The following KLHL1 variants were observed in gnomAD, a reference collection of about 807,000 sequenced individuals.
KLHL1 encodes the protein kelch like family member 1.
KLHL1 carries 47 observed loss-of-function variants against 77.7 expected under a neutral mutation model. The ratio of observed to expected loss-of-function variants is 0.60; its 90% confidence interval spans 0.48 to 0.77. The LOEUF (loss-of-function observed/expected upper bound fraction) is 0.77. Ranked by LOEUF, KLHL1 falls within the 30% of genes least tolerant of loss-of-function variation. KLHL1 has a pLI of 0.00. For missense variants in KLHL1, 925 were observed against 910.8 expected (o/e 1.02, Z -0.20); for synonymous variants, 360 against 325.2 (o/e 1.11, Z -1.15).
chr13:69,975,336 C>T (rs1884512582), intron 2 of KLHL1, among the ~76,000 whole-genome samples: 1 of 151,906 alleles, frequency 6.6e-6, no homozygotes, highest in Admixed American at 6.6e-5. Context: ...GGAATTTTTC[C>T]TCCATAGTTA....
chr13:69,804,013 G>A (rs1394023684), intron 6 of KLHL1, among the ~76,000 whole-genome samples: 1 of 152,130 alleles, frequency 6.6e-6, no homozygotes, highest in Non-Finnish European at 1.5e-5. Context: ...GTAATAGATG[G>A]CAGTTGTTTT....
intron 7 of KLHL1, among the ~76,000 whole-genome samples, chr13:69,746,187 A>C (rs1286794525): frequency 1.3e-5 from 2 of 151,692 alleles, no homozygotes; most frequent in East Asian, 3.9e-4. Flanking sequence ...ATTTATAAAT[A>C]ATTGTCATAA....
At chr13:69,791,497 C>T (rs1593177) in intron 7 of KLHL1, among the ~76,000 whole-genome samples, 35,442 of 151,842 alleles carry the variant, frequency 0.23, 4,237 homozygotes, top group South Asian at 0.32. Flanking sequence ...AAATAAAAAC[C>T]AAAGACAGTG....
At chr13:69,758,260 G>C (rs572382499) in intron 7 of KLHL1, among the ~76,000 whole-genome samples, 31 of 151,946 alleles carry the variant, frequency 2.0e-4, no homozygotes, top group Middle Eastern at 3.4e-3. Flanking sequence ...TTTTATATTA[G>C]TGTATTATCA....
intron 3 of KLHL1, among the ~76,000 whole-genome samples, chr13:69,940,857 CA>C (rs1292084333): frequency 4.1e-5 from 6 of 146,592 alleles, no homozygotes; most frequent in Non-Finnish European, 7.5e-5. Context: ...TTCTAATATC[CA>C]GAATAATTTT....
At chr13:69,901,787 CTTTTTTTCTTTTT>C (rs762156061) in intron 4 of KLHL1, among the ~76,000 whole-genome samples, 12 of 80,144 alleles carry the variant, frequency 1.5e-4, no homozygotes, top group African/African-American at 3.1e-4. Flanking sequence ...CTTTCTTTTT[CTTTTTTTCTTTTT>C]TTTTTTTTTT....
chr13:69,926,325 G>A (rs574069948), intron 4 of KLHL1, among the ~76,000 whole-genome samples: 1 of 152,202 alleles, frequency 6.6e-6, no homozygotes, highest in Admixed American at 6.5e-5. Context: ...TATATTAAAT[G>A]CCATGACTTT....
chr13:69,945,482 A>G (rs1883496935), intron 3 of KLHL1, among the ~76,000 whole-genome samples: 1 of 151,696 alleles, frequency 6.6e-6, no homozygotes, highest in South Asian at 2.1e-4. Flanking sequence ...AAGCCACTGT[A>G]AGATATATTA....
At position 69,776,794 on chromosome 13, in the gene KLHL1, A is replaced by ACT. The variant is rs1161342950; in HGVS notation, c.1639+19942_1639+19943dup. Among the ~76,000 whole-genome samples, 6 of 152,218 alleles carry ACT rather than the reference A, an allele frequency of 3.9e-5. No homozygotes were observed. The South Asian group carries it at 1.2e-3, about 32-fold the overall frequency. Reference sequence around the variant, plus strand: ...CAGAATAACAGAAATTGAGGTGGTAACTTCTGTAGTTAAATTAATATTTTT... The same window carrying ACT: ...CAGAATAACAGAAATTGAGGTGGTAACTCTTCTGTAGTTAAATTAATATTTTT... On this transcript the variant is annotated intron_variant, in intron 7 of 10. Coordinates refer to ENST00000377844, the MANE Select transcript of KLHL1 (RefSeq NM_020866.3).
intron 1 of KLHL1, among the ~76,000 whole-genome samples, chr13:70,055,999 A>T (rs1886735417): frequency 6.6e-6 from 1 of 152,078 alleles, no homozygotes; most frequent in Non-Finnish European, 1.5e-5. Flanking sequence ...ATATAAATGG[A>T]CTGAACTCCA....
Position 69,961,111 on chromosome 13 carries a change from A to G in KLHL1, c.817+197T>C, listed in dbSNP as rs535652494. On this transcript the variant is annotated intron_variant, in intron 3 of 10. Transcript: ENST00000377844. ...AGCCAGTTTAAATCATTTGTGGAAG[A>G]ACGAAATGTATATGTATACATATAT... Among the ~76,000 whole-genome samples the G allele has an allele frequency of 3.3e-5, 5 of 152,222 alleles. No individual in the cohort carries two copies. The East Asian group carries it at 9.7e-4, about 29-fold the overall frequency.
chr13:69,838,414 A>C (rs1475017249), intron 6 of KLHL1, among the ~76,000 whole-genome samples: 1 of 151,806 alleles, frequency 6.6e-6, no homozygotes, highest in Non-Finnish European at 1.5e-5. Context: ...AGATTTTTCC[A>C]ATAACTCTAA....
At position 70,107,682 on chromosome 13, in the gene KLHL1, T is replaced by TGAA. The variant is rs757237410; in HGVS notation, c.17_18insTTC (p.Arg6_Lys7insSer). 2 of 1,530,620 alleles carry TGAA rather than the reference T, an allele frequency of 1.3e-6. No homozygotes were observed. Among genetic ancestry groups the TGAA allele is most frequent in the South Asian group, 2.6e-5 (2 of 76,556 alleles). 94.8% of individuals were successfully genotyped at this position (1,530,620 alleles called of 1,614,324 possible). A position where few individuals can be genotyped will look rare whatever the true frequency, so the allele number is the denominator to read the frequency against. On this transcript the variant is annotated inframe_insertion, in exon 1 of 11. Coordinates refer to ENST00000377844, the MANE Select transcript of KLHL1 (RefSeq NM_020866.3). Reference sequence around the variant, plus strand: ...GAATGTGCTTCACATCGAAGTCTTTTCGCCCAGAGCCTGACATGCTTTACG... The same window carrying TGAA: ...GAATGTGCTTCACATCGAAGTCTTTTGAACGCCCAGAGCCTGACATGCTTTACG...
At chr13:69,950,597 C>T (rs9542130) in intron 3 of KLHL1, among the ~76,000 whole-genome samples, 43,748 of 151,292 alleles carry the variant, frequency 0.29, 6,816 homozygotes, top group East Asian at 0.42. Flanking sequence ...AACTCATGGT[C>T]GTAGAAGTTA....
In KLHL1 at chr13:70,103,138, T is replaced by A. The variant is rs367856386; in HGVS notation, c.497+4065A>T. Among the ~76,000 whole-genome samples the A allele has an allele frequency of 7.2e-5, 11 of 152,164 alleles. No individual in the cohort carries two copies. In the East Asian group the frequency reaches 1.7e-3, roughly 24 times the overall value. On this transcript the variant is annotated intron_variant, in intron 1 of 10. Coordinates refer to ENST00000377844, the MANE Select transcript of KLHL1 (RefSeq NM_020866.3). ...AGGTACAGCACGTTTATGCATGACA[T>A]CTCTGTGATGAATAGGGATGAACTC...
chr13:69,813,217 C>T (rs903681627), intron 6 of KLHL1, among the ~76,000 whole-genome samples: 84 of 151,668 alleles, frequency 5.5e-4, no homozygotes, highest in East Asian at 2.3e-3. Flanking sequence ...AGCAAACTAT[C>T]GCAAGGACAA....
At position 69,827,093 on chromosome 13, in the gene KLHL1, G is replaced by A. The variant is rs147781664; in HGVS notation, c.1414+11883C>T. Among the ~76,000 whole-genome samples the A allele has an allele frequency of 7.9e-3, 1,194 of 151,436 alleles. 14 individuals are homozygous for A. The highest frequency in any genetic ancestry group is 0.027 in the African/African-American group (1,130 of 41,366). The stretch of plus-strand genomic sequence containing the variant: ...AATGTAATATGTTACGTTAGATTTT[G>A]AAAACATGTTATTAAAAGGTAAATC... On this transcript the variant is annotated intron_variant, in intron 6 of 10. Coordinates refer to ENST00000377844, the MANE Select transcript of KLHL1 (RefSeq NM_020866.3).
intron 1 of KLHL1, among the ~76,000 whole-genome samples, chr13:70,010,025 GA>G (rs373066164): frequency 1.6e-4 from 24 of 150,854 alleles, no homozygotes; most frequent in South Asian, 8.3e-4. Context: ...TGCATTACAA[GA>G]AGGAGAAAAA....
rs548363160 is a variant in KLHL1, at chr13:70,043,632, G to A, written c.497+63571C>T. On this transcript the variant is annotated intron_variant, in intron 1 of 10. Transcript: ENST00000377844. ...TTTTACTGTACCTTTTCTATGCTTA[G>A]ATACACAAATAACATTGTGTTACAA... 2.0e-5 allele frequency among the ~76,000 whole-genome samples: 3 copies of A among 152,206 alleles called. No homozygotes were observed. The South Asian group carries it at 6.2e-4, about 32-fold the overall frequency.
Sources: allele counts gnomAD v4.1 joint callset (sites outside exome capture counted in the v4.1 genomes callset), GRCh38; gene constraint gnomAD v4.1.1; transcripts MANE v1.5; gene names NCBI Gene and HGNC (gene_info 2026-07-23, HGNC 2026-07-21).